The following DCC variants were observed in gnomAD, a reference collection of about 807,000 sequenced individuals.
The protein encoded by DCC is DCC netrin 1 receptor.
In DCC, 58 loss-of-function variants were observed where a neutral mutation model predicts 172.5. The ratio of observed to expected loss-of-function variants is 0.34; its 90% confidence interval spans 0.27 to 0.42. DCC has a LOEUF of 0.42. DCC is among the 10% of genes least tolerant of loss of function. DCC has a pLI of 1.00. For missense variants in DCC, 1,740 were observed against 1,791.0 expected (o/e 0.97, Z 0.51); for synonymous variants, 709 against 644.5 (o/e 1.10, Z -1.52).
intron 1 of DCC, among the ~76,000 whole-genome samples, chr18:52,503,166 A>G (rs924965042): frequency 2.0e-5 from 3 of 152,142 alleles, no homozygotes; most frequent in Admixed American, 6.6e-5. Context: ...TATCTCTTTG[A>G]TTCCAAAGTG....
chr18:53,106,716 G>A (rs1294854322), intron 7 of DCC, among the ~76,000 whole-genome samples: 3 of 151,900 alleles, frequency 2.0e-5, no homozygotes, highest in Admixed American at 6.6e-5. Flanking sequence ...CAAGTTTATT[G>A]AGAATGTAAA....
At chr18:53,355,521 A>G (rs1038658389) in intron 15 of DCC, among the ~76,000 whole-genome samples, 5 of 152,062 alleles carry the variant, frequency 3.3e-5, no homozygotes, top group African/African-American at 1.2e-4. Flanking sequence ...TAGGTATTTC[A>G]TTCTCTTTGA....
intron 12 of DCC, among the ~76,000 whole-genome samples, chr18:53,218,215 G>A (rs12956682): frequency 2.0e-5 from 3 of 151,840 alleles, no homozygotes; most frequent in Non-Finnish European, 4.4e-5. Context: ...CTTTGAAAAC[G>A]TATTCTATAT....
intron 7 of DCC, among the ~76,000 whole-genome samples, chr18:53,118,839 A>T (rs1461165935): frequency 1.3e-5 from 2 of 151,642 alleles, no homozygotes; most frequent in Non-Finnish European, 2.9e-5. Flanking sequence ...GCATTTTATC[A>T]CCTCTTACCA....
Position 53,208,239 on chromosome 18 carries a change from C to T in DCC, c.1861+422C>T, listed in dbSNP as rs1162378755. Among the ~76,000 whole-genome samples, 4 of 151,718 alleles carry T rather than the reference C, an allele frequency of 2.6e-5. No individual in the cohort carries two copies. The East Asian group carries it at 7.7e-4, about 29-fold the overall frequency. On this transcript the variant is annotated intron_variant, in intron 11 of 28. Coordinates refer to ENST00000442544, the MANE Select transcript of DCC (RefSeq NM_005215.4). ...GCAGTAAGCTGTGATCGTTCTACTG[C>T]ACTCCAGCCTGGGCAACAGAGTAAG...
intron 12 of DCC, among the ~76,000 whole-genome samples, chr18:53,288,233 C>G (rs2056959000): frequency 6.6e-6 from 1 of 152,096 alleles, no homozygotes; most frequent in African/African-American, 2.4e-5. Flanking sequence ...AAAGGATCAA[C>G]AAACCTTTTC....
At chr18:53,254,597 A>T (rs1260279608) in intron 12 of DCC, among the ~76,000 whole-genome samples, 1 of 151,880 alleles carries the variant, frequency 6.6e-6, no homozygotes, top group Non-Finnish European at 1.5e-5. Flanking sequence ...GGGGTGTGAC[A>T]CTCTATAAAA....
chr18:52,610,175 AAAAATATATATATATATATATATATATAT>A (rs2034237796), intron 1 of DCC, among the ~76,000 whole-genome samples: 1 of 20,830 alleles, frequency 4.8e-5, no homozygotes, highest in Non-Finnish European at 8.4e-5. Context: ...AAAAAAAAAA[AAAAATATATATATATATATATATATATAT>A]ATATATATAT....
intron 2 of DCC, among the ~76,000 whole-genome samples, chr18:52,858,176 C>G (rs1255769697): frequency 6.6e-6 from 1 of 152,204 alleles, no homozygotes; most frequent in Non-Finnish European, 1.5e-5. Context: ...TTTCTGAAGA[C>G]TGCGCTGTAG....
In DCC at chr18:52,958,768, A is replaced by G. The variant is rs112183981; in HGVS notation, c.985+33398A>G. 7.2e-4 allele frequency among the ~76,000 whole-genome samples: 110 copies of G among 152,224 alleles called. 1 individual carries two copies. Among genetic ancestry groups the G allele is most frequent in the South Asian group, 5.8e-3 (28 of 4,824 alleles). ...GCTGGAGAATATTGAAGGAGGAGAGACATGTTGTCGGGAGGGGTCAGGAAT... is the reference window on the plus strand; with the variant it reads ...GCTGGAGAATATTGAAGGAGGAGAGGCATGTTGTCGGGAGGGGTCAGGAAT... On this transcript the variant is annotated intron_variant, in intron 5 of 28. Coordinates refer to ENST00000442544, the MANE Select transcript of DCC (RefSeq NM_005215.4).
At chr18:52,889,202 T>G (rs887783988) in intron 2 of DCC, among the ~76,000 whole-genome samples, 19 of 152,102 alleles carry the variant, frequency 1.2e-4, no homozygotes, top group Non-Finnish European at 2.4e-4. Context: ...CATTATGTAT[T>G]CTTTCATAAA....
At chr18:52,379,744 T>A (rs540536079) in intron 1 of DCC, among the ~76,000 whole-genome samples, 4 of 152,278 alleles carry the variant, frequency 2.6e-5, no homozygotes, top group East Asian at 1.9e-4. Context: ...AGGGACAGAT[T>A]GAACAGTCTG....
chr18:53,109,566 T>C (rs752080610), intron 7 of DCC, among the ~76,000 whole-genome samples: 1 of 150,330 alleles, frequency 6.7e-6, no homozygotes, highest in Non-Finnish European at 1.5e-5. Flanking sequence ...CCTTCATTCC[T>C]TCCCTCCCTC....
intron 1 of DCC, among the ~76,000 whole-genome samples, chr18:52,549,532 G>A (rs1303657509): frequency 1.3e-5 from 2 of 152,020 alleles, no homozygotes; most frequent in Non-Finnish European, 2.9e-5. Context: ...CCTCCACACG[G>A]TGAACCAGTG....
intron 25 of DCC, among the ~76,000 whole-genome samples, chr18:53,473,346 G>C (rs995092945): frequency 2.0e-5 from 3 of 152,152 alleles, no homozygotes; most frequent in Admixed American, 6.6e-5. Flanking sequence ...ATTGGTGCTT[G>C]CTAAATATCT....
intron 5 of DCC, among the ~76,000 whole-genome samples, chr18:52,987,418 T>A (rs1432904731): frequency 6.6e-6 from 1 of 152,140 alleles, no homozygotes; most frequent in Non-Finnish European, 1.5e-5. Flanking sequence ...ATGAGCAAAT[T>A]TTTTTTACAA....
intron 1 of DCC, among the ~76,000 whole-genome samples, chr18:52,657,796 G>C (rs903770752): frequency 2.6e-5 from 4 of 152,058 alleles, no homozygotes; most frequent in African/African-American, 9.7e-5. Flanking sequence ...TTTTTCCTTA[G>C]TGCTAGCATT....
intron 1 of DCC, among the ~76,000 whole-genome samples, chr18:52,748,615 C>T (rs2036946412): frequency 6.6e-6 from 1 of 152,210 alleles, no homozygotes; most frequent in Admixed American, 6.5e-5. Flanking sequence ...GCCACTCGGG[C>T]AGCAGTGGAG....
At chr18:52,511,774 A>G (rs2031450628) in intron 1 of DCC, among the ~76,000 whole-genome samples, 1 of 151,996 alleles carries the variant, frequency 6.6e-6, no homozygotes, top group Admixed American at 6.6e-5. Flanking sequence ...ATATTAAACA[A>G]TTTATTTAAA....
Sources: allele counts gnomAD v4.1 joint callset (sites outside exome capture counted in the v4.1 genomes callset), GRCh38; gene constraint gnomAD v4.1.1; transcripts MANE v1.5; gene names NCBI Gene and HGNC (gene_info 2026-07-23, HGNC 2026-07-21).